Variants in SHROOM2 observed in about 807,000 individuals in gnomAD.
SHROOM2 encodes the protein shroom family member 2.
Under a neutral mutation model 75.9 loss-of-function variants are expected in SHROOM2, and 33 were observed. The observed-to-expected ratio is 0.43, with a 90% CI of 0.33 to 0.58. SHROOM2 has a LOEUF of 0.58. SHROOM2 is among the 20% of genes least tolerant of loss of function. SHROOM2 has a pLI of 0.04. For missense variants in SHROOM2, 1,434 were observed against 1,461.2 expected, an observed-to-expected ratio of 0.98 and a Z score of 0.30; for synonymous variants, 655 against 663.6, an observed-to-expected ratio of 0.99 and a Z score of 0.20.
intron 1 of SHROOM2, among the ~76,000 whole-genome samples, chrX:9,829,276 A>G (rs2083903705): frequency 8.9e-6 from 1 of 112,211 alleles, no homozygotes. Flanking sequence ...CACCCACCTC[A>G]GCCTCACAAA....
chrX:9,842,594 T>C (rs980571274), intron 1 of SHROOM2, among the ~76,000 whole-genome samples: 1 of 112,283 alleles, frequency 8.9e-6, no homozygotes, highest in African/African-American at 3.2e-5. Flanking sequence ...CAGCACCTTC[T>C]TTGATGACAC....
chrX:9,922,513 C>G (rs2084555371), intron 5 of SHROOM2, among the ~76,000 whole-genome samples: 1 of 109,765 alleles, frequency 9.1e-6, no homozygotes, highest in Non-Finnish European at 1.9e-5. Flanking sequence ...TAAACTGGAC[C>G]CTACTTGTGC....
chrX:9,873,672 C>T lies in SHROOM2; in HGVS notation c.186C>T (p.Ala62=), dbSNP rs374833426. ...VITKIEEGSK[A]AAVDKLLAGD... ...TACAGATTGAAGAGGGCAGTAAAGC[C>T]GCGGCGGTCGACAAGTTACTGGCTG... The change falls in exon 2 of 10, where the codon GCC becomes GCT. Residue 62 remains alanine, a synonymous_variant. Coordinates refer to ENST00000380913, the MANE Select transcript of SHROOM2 (RefSeq NM_001649.4). The T allele has an allele frequency of 2.5e-6, 3 of 1,211,282 alleles. No homozygotes were observed. Among genetic ancestry groups the T allele is most frequent in the Non-Finnish European group, 3.4e-6 (3 of 895,200 alleles).
intron 5 of SHROOM2, among the ~76,000 whole-genome samples, chrX:9,903,268 A>G (rs763553072): frequency 6.1e-4 from 69 of 112,399 alleles, no homozygotes; most frequent in African/African-American, 2.1e-3. Flanking sequence ...GCTCAGGGCA[A>G]TTGAAGCTTT....
chrX:9,816,726 C>T (rs1385098868), intron 1 of SHROOM2, among the ~76,000 whole-genome samples: 2 of 110,992 alleles, frequency 1.8e-5, no homozygotes, highest in African/African-American at 3.3e-5. Flanking sequence ...TGATAGTGCT[C>T]GGGACGGTGT....
chrX:9,800,810 G>A lies in SHROOM2; in HGVS notation c.165+14100G>A, dbSNP rs149053030. Among the ~76,000 whole-genome samples the A allele has an allele frequency of 9.7e-3, 1,048 of 107,607 alleles. 14 individuals are homozygous for A. The highest frequency in any genetic ancestry group is 0.032 in the African/African-American group (946 of 29,505). 93.4% of individuals were successfully genotyped at this position (107,607 alleles called of 115,157 possible). A position where few individuals can be genotyped will look rare whatever the true frequency, so the allele number is the denominator to read the frequency against. ...GAGATAGCTGGGACTACAGGCATGC[G>A]GCACCATGCTCAGTTAATTATTTTT... On this transcript the variant is annotated intron_variant, in intron 1 of 9. Transcript: ENST00000380913.
intron 1 of SHROOM2, among the ~76,000 whole-genome samples, chrX:9,829,605 C>G (rs1340142393): frequency 8.9e-6 from 1 of 112,108 alleles, no homozygotes; most frequent in Admixed American, 9.5e-5. Context: ...GGCCAAGAGA[C>G]TGGGAGCCAG....
At chrX:9,889,235 C>T (rs2084277197) in intron 2 of SHROOM2, among the ~76,000 whole-genome samples, 1 of 112,201 alleles carries the variant, frequency 8.9e-6, no homozygotes, top group Non-Finnish European at 1.9e-5. Flanking sequence ...ATTTTGCCAC[C>T]CGTATACTTT....
intron 1 of SHROOM2, among the ~76,000 whole-genome samples, chrX:9,809,140 T>C (rs188921758): frequency 0.015 from 1,566 of 102,552 alleles, 32 homozygotes; most frequent in African/African-American, 0.051. Context: ...GAAATATATA[T>C]GAAGAGGAGT....
chrX:9,805,681 C>T (rs1026911369), intron 1 of SHROOM2, among the ~76,000 whole-genome samples: 1 of 111,571 alleles, frequency 9.0e-6, no homozygotes, highest in Non-Finnish European at 1.9e-5. Flanking sequence ...TCTTCTATAG[C>T]GGAGGGAAGT....
chrX:9,862,722 C>T (rs2084111514), intron 1 of SHROOM2, among the ~76,000 whole-genome samples: 1 of 112,326 alleles, frequency 8.9e-6, no homozygotes, highest in Non-Finnish European at 1.9e-5. Context: ...TGATGGTGCT[C>T]ACCAGGTGCC....
intron 1 of SHROOM2, among the ~76,000 whole-genome samples, chrX:9,817,679 A>G (rs1043136348): frequency 7.1e-5 from 8 of 112,369 alleles, no homozygotes; most frequent in East Asian, 2.8e-4. Flanking sequence ...TTATCAGTCT[A>G]CCTCGCAGTG....
At chrX:9,910,708 T>C (rs1453346810) in intron 5 of SHROOM2, among the ~76,000 whole-genome samples, 2 of 110,096 alleles carry the variant, frequency 1.8e-5, no homozygotes, top group African/African-American at 6.6e-5. Flanking sequence ...TCTCAGCTAC[T>C]CGGGAGGCTG....
At chrX:9,829,516 G>C (rs1302117317) in intron 1 of SHROOM2, among the ~76,000 whole-genome samples, 2 of 112,121 alleles carry the variant, frequency 1.8e-5, no homozygotes, top group African/African-American at 3.2e-5. Flanking sequence ...GCCCAATCAT[G>C]ATGGGGGCCG....
At chrX:9,845,060 T>C (rs1365708098) in intron 1 of SHROOM2, among the ~76,000 whole-genome samples, 1 of 110,941 alleles carries the variant, frequency 9.0e-6, no homozygotes. Flanking sequence ...CCACTTGTTC[T>C]CTGTGGGACT....
At chrX:9,844,518 A>C (rs1284741195) in intron 1 of SHROOM2, among the ~76,000 whole-genome samples, 1 of 110,584 alleles carries the variant, frequency 9.0e-6, no homozygotes, top group Non-Finnish European at 1.9e-5. Context: ...TCTCAAAAAA[A>C]TAAAAAAATT....
intron 1 of SHROOM2, among the ~76,000 whole-genome samples, chrX:9,872,383 G>A (rs967955791): frequency 4.5e-5 from 5 of 112,331 alleles, no homozygotes; most frequent in Admixed American, 9.4e-5. Context: ...TGGCCAATGG[G>A]GTGAAACCCT....
intron 8 of SHROOM2, 80 bp downstream of exon 8, chrX:9,939,446 C>T (rs2084749623): frequency 5.9e-6 from 5 of 848,353 alleles, no homozygotes; most frequent in South Asian, 5.3e-5. Context: ...CCTGCCCCAG[C>T]GCAGACCCTG....
chrX:9,837,000 C>T (rs999218708), intron 1 of SHROOM2, among the ~76,000 whole-genome samples: 24 of 112,398 alleles, frequency 2.1e-4, no homozygotes, highest in Non-Finnish European at 4.1e-4. Flanking sequence ...CTTTTTGACT[C>T]CGCATCATAT....
Sources: allele counts gnomAD v4.1 joint callset (sites outside exome capture counted in the v4.1 genomes callset), GRCh38; gene constraint gnomAD v4.1.1; transcripts MANE v1.5; gene names NCBI Gene and HGNC (gene_info 2026-07-23, HGNC 2026-07-21).